Variants in HEMK2 observed in about 807,000 individuals in gnomAD.
HEMK2 encodes methyltransferase HEMK2.
chr21:28,736,344 C>T, the HEMK2 span, among the ~76,000 whole-genome samples: 1 of 152,214 alleles, frequency 6.6e-6, no homozygotes, highest in Non-Finnish European at 1.5e-5. Flanking sequence ...GCTATCTTTG[C>T]CTCCTGCTCC....
At chr21:28,654,192 C>A in the HEMK2 span, among the ~76,000 whole-genome samples, 2 of 152,144 alleles carry the variant, frequency 1.3e-5, no homozygotes, top group Non-Finnish European at 2.9e-5. Flanking sequence ...CCGATCAGAA[C>A]AGGTTCGTAC....
chr21:28,621,907 A>G, the HEMK2 span, among the ~76,000 whole-genome samples: 1 of 152,180 alleles, frequency 6.6e-6, no homozygotes, highest in Non-Finnish European at 1.5e-5. Flanking sequence ...TGACAGCTGC[A>G]TTGATCCCTT....
chr21:28,713,063 AC>A, the HEMK2 span, among the ~76,000 whole-genome samples: 1 of 152,214 alleles, frequency 6.6e-6, no homozygotes, highest in Admixed American at 6.5e-5. Flanking sequence ...CAAAGTCAGT[AC>A]TTTTCTGGTA....
At chr21:28,727,674 T>A in the HEMK2 span, among the ~76,000 whole-genome samples, 1 of 152,240 alleles carries the variant, frequency 6.6e-6, no homozygotes, top group African/African-American at 2.4e-5. Context: ...TTTGTGGGGA[T>A]GTTAAAAATG....
chr21:28,854,912 A>G, the HEMK2 span, among the ~76,000 whole-genome samples: 3 of 152,156 alleles, frequency 2.0e-5, no homozygotes, highest in Admixed American at 6.6e-5. Context: ...TTGACACTCA[A>G]TATTAACCAT....
chr21:28,596,823 C>T, the HEMK2 span, among the ~76,000 whole-genome samples: 4 of 152,166 alleles, frequency 2.6e-5, no homozygotes, highest in African/African-American at 9.6e-5. Context: ...AAAGAAGTGT[C>T]TCGATGGACA....
the HEMK2 span, among the ~76,000 whole-genome samples, chr21:28,823,368 T>C: frequency 0.086 from 13,065 of 152,234 alleles, 1,316 homozygotes; most frequent in African/African-American, 0.23. Flanking sequence ...TCGTTGTTTG[T>C]TGAATCTGAG....
the HEMK2 span, among the ~76,000 whole-genome samples, chr21:28,576,508 A>T: frequency 0.66 from 99,990 of 151,690 alleles, 34,134 homozygotes; most frequent in Non-Finnish European, 0.75. Flanking sequence ...TTTTTAATAT[A>T]TTTCTCTATA....
the HEMK2 span, among the ~76,000 whole-genome samples, chr21:28,820,655 A>C: frequency 6.6e-6 from 1 of 152,204 alleles, no homozygotes; most frequent in Non-Finnish European, 1.5e-5. Flanking sequence ...TAATAGTAAT[A>C]AATCTGTGTG....
the HEMK2 span, among the ~76,000 whole-genome samples, chr21:28,609,256 G>C: frequency 6.6e-6 from 1 of 152,102 alleles, no homozygotes; most frequent in Non-Finnish European, 1.5e-5. Context: ...GTACCAGCTT[G>C]GAGCACAGTA....
chr21:28,866,175 A>AAAAAAAAAAACACAC, the HEMK2 span, among the ~76,000 whole-genome samples: 1 of 76,234 alleles, frequency 1.3e-5, no homozygotes, highest in South Asian at 6.1e-4. Flanking sequence ...CAAAAAAAAA[A>AAAAAAAAAAACACAC]ACACACACAC....
chr21:28,721,022 G>T, the HEMK2 span, among the ~76,000 whole-genome samples: 2 of 152,290 alleles, frequency 1.3e-5, no homozygotes, highest in Middle Eastern at 3.4e-3. Context: ...CAGTATAGTA[G>T]CTACCAGCAA....
chr21:28,797,221 C>T, the HEMK2 span, among the ~76,000 whole-genome samples: 1 of 152,150 alleles, frequency 6.6e-6, no homozygotes, highest in Non-Finnish European at 1.5e-5. Flanking sequence ...ATGCACATTG[C>T]ACTCCTGTTC....
the HEMK2 span, among the ~76,000 whole-genome samples, chr21:28,598,780 A>G: frequency 3.0e-3 from 454 of 152,302 alleles, 4 homozygotes; most frequent in African/African-American, 0.011. Flanking sequence ...GTTGACTGAA[A>G]GTTTTTCTCA....
At chr21:28,750,424 A>G in the HEMK2 span, among the ~76,000 whole-genome samples, 1 of 152,076 alleles carries the variant, frequency 6.6e-6, no homozygotes, top group Non-Finnish European at 1.5e-5. Context: ...CTCAGCTGGG[A>G]GCGGTGACTC....
At chr21:28,842,339 TTTC>T in the HEMK2 span, among the ~76,000 whole-genome samples, 4 of 152,178 alleles carry the variant, frequency 2.6e-5, no homozygotes, top group Non-Finnish European at 5.9e-5. Flanking sequence ...GAGATAATTC[TTTC>T]TTGTCTTATT....
the HEMK2 span, among the ~76,000 whole-genome samples, chr21:28,663,286 C>T: frequency 6.6e-6 from 1 of 152,216 alleles, no homozygotes; most frequent in African/African-American, 2.4e-5. Flanking sequence ...AAGAGGGCAG[C>T]AGCCATCCAG....
At chr21:28,767,396 T>C in the HEMK2 span, among the ~76,000 whole-genome samples, 1 of 151,274 alleles carries the variant, frequency 6.6e-6, no homozygotes. Context: ...TTAAGAGCTA[T>C]GATTTGAAAC....
At chr21:28,813,348 C>T in the HEMK2 span, among the ~76,000 whole-genome samples, 1 of 150,470 alleles carries the variant, frequency 6.6e-6, no homozygotes, top group Admixed American at 6.6e-5. Flanking sequence ...AATTCCCATT[C>T]ACAATTGCTA....
Sources: allele counts gnomAD v4.1 joint callset (sites outside exome capture counted in the v4.1 genomes callset), GRCh38; gene constraint gnomAD v4.1.1; transcripts MANE v1.5; gene names NCBI Gene and HGNC (gene_info 2026-07-23, HGNC 2026-07-21).